Variants in ANO4 observed in about 807,000 individuals in gnomAD.
ANO4 encodes anoctamin-4.
In ANO4, 69 loss-of-function variants were observed where a neutral mutation model predicts 141.9. The observed-to-expected ratio is 0.49, with a 90% CI of 0.40 to 0.59. The LOEUF is 0.59. Among genes scored for constraint, ANO4 ranks in the 20% least tolerant of loss-of-function variants. ANO4 has a pLI of 0.00. For missense variants in ANO4, 894 were observed against 1,162.2 expected (o/e 0.77, Z 3.36); for synonymous variants, 350 against 394.3 (o/e 0.89, Z 1.33).
chr12:100,922,394 G>C, intron 3 of ANO4, 64 bp downstream of exon 3: 3 of 1,130,906 alleles, frequency 2.7e-6, no homozygotes, highest in Non-Finnish European at 3.6e-6. Context: ...CTTGGGAGGG[G>C]TAATAAACTA....
intron 17 of ANO4, among the ~76,000 whole-genome samples, chr12:101,087,107 G>A (rs682750): frequency 0.98 from 149,581 of 152,282 alleles, 73,486 homozygotes; most frequent in East Asian, 1. Flanking sequence ...ATTATATTGT[G>A]AACCCCTTAA....
intron 1 of ANO4, among the ~76,000 whole-genome samples, chr12:100,890,423 G>A (rs1241227669): frequency 1.3e-5 from 2 of 151,930 alleles, no homozygotes; most frequent in African/African-American, 4.8e-5. Context: ...AGAATTCTTG[G>A]GTCCAAAGAG....
intron 1 of ANO4, among the ~76,000 whole-genome samples, chr12:100,860,019 A>G (rs138148674): frequency 2.0e-5 from 3 of 152,132 alleles, no homozygotes; most frequent in East Asian, 3.9e-4. Flanking sequence ...CAACATTTCA[A>G]CCCCTTGGTA....
intron 1 of ANO4, among the ~76,000 whole-genome samples, chr12:100,883,265 T>C (rs1200380652): frequency 2.0e-5 from 3 of 152,238 alleles, no homozygotes; most frequent in Non-Finnish European, 4.4e-5. Context: ...TTAGCACCTA[T>C]TGATCTAAGA....
intron 1 of ANO4, among the ~76,000 whole-genome samples, chr12:100,890,866 T>C (rs1301304525): frequency 2.0e-5 from 3 of 152,234 alleles, no homozygotes; most frequent in African/African-American, 7.2e-5. Flanking sequence ...TTGACAAATT[T>C]ATTACAATAT....
intron 9 of ANO4, among the ~76,000 whole-genome samples, chr12:101,030,759 T>C (rs1193112918): frequency 6.6e-6 from 1 of 151,878 alleles, no homozygotes; most frequent in African/African-American, 2.4e-5. Flanking sequence ...TAAAAAATGA[T>C]AAAGGGGAGA....
chr12:101,014,039 G>A (rs1017502316), intron 8 of ANO4, among the ~76,000 whole-genome samples: 2 of 152,198 alleles, frequency 1.3e-5, no homozygotes, highest in South Asian at 2.1e-4. Context: ...CTATGAAGGT[G>A]TAGGTTCCTC....
At chr12:101,068,064 T>TTGCCATC (rs1284714816) in intron 14 of ANO4, among the ~76,000 whole-genome samples, 1 of 152,164 alleles carries the variant, frequency 6.6e-6, no homozygotes, top group African/African-American at 2.4e-5. Context: ...CTGTAATGGA[T>TTGCCATC]AAACTGGGCA....
intron 14 of ANO4, among the ~76,000 whole-genome samples, chr12:101,052,125 A>G (rs1226997203): frequency 6.6e-6 from 1 of 152,198 alleles, no homozygotes; most frequent in East Asian, 1.9e-4. Flanking sequence ...TTCACCGGAA[A>G]AAAATAATAA....
chr12:100,941,958 ATT>A (rs2042538276), intron 4 of ANO4, among the ~76,000 whole-genome samples: 2 of 12,866 alleles, frequency 1.6e-4, no homozygotes, highest in African/African-American at 8.5e-4. Context: ...AATGAAAAAA[ATT>A]ATTATTATTA....
intron 5 of ANO4, among the ~76,000 whole-genome samples, chr12:100,948,312 G>A (rs1300732065): frequency 6.6e-6 from 1 of 152,114 alleles, no homozygotes; most frequent in Admixed American, 6.5e-5. Context: ...CCATAGACTT[G>A]AATCTTGGTA....
chr12:100,888,890 A>G (rs1593645551), intron 1 of ANO4, among the ~76,000 whole-genome samples: 2 of 151,742 alleles, frequency 1.3e-5, no homozygotes, highest in Middle Eastern at 3.4e-3. Context: ...TATTATTATT[A>G]TTATTATACT....
chr12:100,733,138 A>T (rs2031452256), intron 1 of ANO4, among the ~76,000 whole-genome samples: 1 of 152,132 alleles, frequency 6.6e-6, no homozygotes, highest in South Asian at 2.1e-4. Flanking sequence ...TGATCTTCCT[A>T]AAACAAAAAT....
At chr12:101,043,759 T>C (rs1249807675) in intron 13 of ANO4, 124 bp downstream of exon 13, 15 of 685,906 alleles carry the variant, frequency 2.2e-5, no homozygotes, top group Non-Finnish European at 3.5e-5. Flanking sequence ...TAGGATAGAC[T>C]TATCTCCATC....
intron 3 of ANO4, among the ~76,000 whole-genome samples, chr12:100,787,032 CACAG>C (rs2135596499): frequency 6.6e-6 from 1 of 152,322 alleles, no homozygotes; most frequent in South Asian, 2.1e-4. Context: ...GAGCCAGACA[CACAG>C]AGACATCCAG....
chr12:100,735,713 A>G (rs1283005463), intron 2 of ANO4, among the ~76,000 whole-genome samples: 1 of 152,140 alleles, frequency 6.6e-6, no homozygotes, highest in African/African-American at 2.4e-5. Flanking sequence ...GAGATTTTGC[A>G]TCAGGGTGAC....
intron 22 of ANO4, among the ~76,000 whole-genome samples, chr12:101,104,820 T>C (rs2136988555): frequency 2.0e-5 from 3 of 151,722 alleles, no homozygotes; most frequent in Middle Eastern, 6.8e-3. Context: ...ATCTTCTAAG[T>C]CCTTGTTAAA....
intron 3 of ANO4, among the ~76,000 whole-genome samples, chr12:100,740,567 G>T (rs2031818334): frequency 6.6e-6 from 1 of 151,948 alleles, no homozygotes; most frequent in South Asian, 2.1e-4. Context: ...ATCTATCTTG[G>T]ACTAAACTCG....
chr12:101,067,416 G>A (rs893991983), intron 14 of ANO4, among the ~76,000 whole-genome samples: 5 of 152,190 alleles, frequency 3.3e-5, no homozygotes, highest in African/African-American at 1.2e-4. Flanking sequence ...GCTGAAGGAG[G>A]CCATGCCTGT....
Sources: gnomAD v4.1 joint callset for allele counts (sites outside exome capture counted in the v4.1 genomes callset) on GRCh38, gnomAD v4.1.1 for gene constraint, MANE v1.5 for transcripts, NCBI Gene and HGNC (gene_info 2026-07-23, HGNC 2026-07-21) for gene names.